Variants in CES5A observed in about 807,000 individuals in gnomAD.
CES5A encodes carboxylesterase 5.
CES5A carries 67 observed loss-of-function variants against 62.9 expected under a neutral mutation model. That is an observed-to-expected ratio of 1.07 (90% CI 0.88 to 1.31). The LOEUF is 1.31. CES5A is among the 50% of genes most tolerant of loss of function. The pLI, the probability that CES5A is intolerant of heterozygous loss-of-function variation, is 0.00. For synonymous variants in CES5A, 296 were observed against 280.8 expected (o/e 1.05, Z -0.54); for missense variants, 748 against 708.5 (o/e 1.06, Z -0.63).
intron 2 of CES5A, among the ~76,000 whole-genome samples, chr16:55,947,315 T>A (rs570991337): frequency 6.6e-6 from 1 of 152,286 alleles, no homozygotes; most frequent in African/African-American, 2.4e-5. Flanking sequence ...AAAAGGGGCT[T>A]ATGGAAGGTC....
chr16:55,949,841 G>A, exon 2 of CES5A: 1 of 1,527,270 alleles, frequency 6.5e-7, no homozygotes. Flanking sequence ...CAAAGTTGAG[G>A]AGGCTGGATA....
chr16:55,849,864 G>C (rs1942902428), intron 10 of CES5A, 91 bp from the exon 11 acceptor site: 3 of 1,406,140 alleles, frequency 2.1e-6, no homozygotes, highest in African/African-American at 1.4e-5. Flanking sequence ...TGGATGTATA[G>C]ACCCAGGGGT....
At chr16:55,859,289 G>A (rs28431003) in intron 8 of CES5A, among the ~76,000 whole-genome samples, 8,246 of 152,218 alleles carry the variant, frequency 0.054, 761 homozygotes, top group African/African-American at 0.19. Context: ...CAAATGGACC[G>A]ATCCCCTCTT....
intron 1 of CES5A, among the ~76,000 whole-genome samples, chr16:55,885,821 T>C (rs1215786182): frequency 2.6e-5 from 4 of 152,166 alleles, no homozygotes; most frequent in Non-Finnish European, 4.4e-5. Context: ...CTACCTACTA[T>C]GGGATATCAA....
At chr16:55,908,967 A>C (rs901238246) in intron 1 of CES5A, among the ~76,000 whole-genome samples, 4 of 152,202 alleles carry the variant, frequency 2.6e-5, no homozygotes, top group Non-Finnish European at 5.9e-5. Flanking sequence ...CCCCAAAAAG[A>C]ACAAAGGAAG....
chr16:55,917,706 T>C (rs1204455429), intron 1 of CES5A, among the ~76,000 whole-genome samples: 2 of 152,142 alleles, frequency 1.3e-5, no homozygotes. Context: ...CCATCACCTC[T>C]GCCAAATTCT....
Position 55,896,567 on chromosome 16 carries a change from C to A in CES5A, c.-255-22530G>T, listed in dbSNP as rs569684938. Among the ~76,000 whole-genome samples, 3 of 152,340 alleles carry A rather than the reference C, an allele frequency of 2.0e-5. No individual in the cohort carries two copies. In the East Asian group the frequency reaches 5.8e-4, roughly 29 times the overall value. ...TATTAAGTATTCTGTTACAGCAACA[C>A]TAAATGGACTAAGACATCATCAGAG... is the stretch of plus-strand genomic sequence containing the variant. On this transcript the variant is annotated intron_variant, in intron 1 of 12. Coordinates refer to the CES5A transcript ENST00000518005.
At chr16:55,925,252 G>A (rs140872877) in intron 1 of CES5A, 13 of 152,114 alleles carry the variant, frequency 8.5e-5, no homozygotes, top group African/African-American at 2.6e-4. Context: ...ACAAGTATAT[G>A]AAAAACAATG....
rs544739211 is a variant in CES5A, at chr16:55,860,150, C to G, written c.916-463G>C. Among the ~76,000 whole-genome samples the G allele has an allele frequency of 9.8e-4, 149 of 151,438 alleles. 1 individual carries two copies. Among genetic ancestry groups the G allele is most frequent in the Admixed American group, 2.9e-3 (44 of 15,222 alleles). ...TTTTATAAAGGGGAGCTCCCCTGAA[C>G]AAGCTTTTTTTTTGCCCACCACCAT... On this transcript the variant is annotated intron_variant, in intron 7 of 12. Transcript: ENST00000290567.
At chr16:55,955,919 G>A in exon 1 of CES5A, 1 of 1,535,770 alleles carries the variant, frequency 6.5e-7, no homozygotes, top group South Asian at 1.2e-5. Context: ...CAAAACCTCA[G>A]CATCCCAGCT....
At chr16:55,928,114 G>T (rs552651092), upstream of CES5A, among the ~76,000 whole-genome samples, 8 of 151,966 alleles carry the variant, frequency 5.3e-5, no homozygotes, top group Admixed American at 2.0e-4. Flanking sequence ...GTGGTGGCAG[G>T]TGCCTATAGT....
intron 2 of CES5A, among the ~76,000 whole-genome samples, chr16:55,932,377 A>C (rs1446013039): frequency 6.6e-6 from 1 of 152,224 alleles, no homozygotes; most frequent in Non-Finnish European, 1.5e-5. Flanking sequence ...AACAGAAAAC[A>C]GACTAAGACA....
chr16:55,901,419 C>A (rs1200141617), intron 1 of CES5A, among the ~76,000 whole-genome samples: 2 of 152,138 alleles, frequency 1.3e-5, no homozygotes, highest in African/African-American at 4.8e-5. Context: ...CAAGCACATA[C>A]CTTGGAGGCA....
chr16:55,888,296 C>T (rs191652302), intron 1 of CES5A, among the ~76,000 whole-genome samples: 39 of 152,260 alleles, frequency 2.6e-4, no homozygotes, highest in South Asian at 1.0e-3. Flanking sequence ...ATGCAGCTTT[C>T]CGTTTACTGT....
Position 55,869,754 on chromosome 16 carries a change from G to C in CES5A, c.418-10C>G. ...GGAACCACACCAAGACCTGAGGAGG[G>C]GAGAAGAGCATCCAGTCAGCCCACC... On this transcript the variant is annotated splice_polypyrimidine_tract_variant and intron_variant, in intron 3 of 12. Transcript: ENST00000290567. 6.3e-7 allele frequency: 1 copy of C among 1,595,098 alleles called. No homozygotes were observed. The highest frequency in any genetic ancestry group is 1.1e-5 in the South Asian group (1 of 88,742).
At chr16:55,951,091 G>A (rs995847148) in intron 1 of CES5A, among the ~76,000 whole-genome samples, 6 of 99,440 alleles carry the variant, frequency 6.0e-5, no homozygotes, top group African/African-American at 1.9e-4. Context: ...GGGAGACAGC[G>A]AGACTCCATC....
upstream of CES5A, chr16:55,875,430 G>A (rs868490768): frequency 8.1e-7 from 1 of 1,232,024 alleles, no homozygotes; most frequent in African/African-American, 1.6e-5. Flanking sequence ...ATAAGAAGCT[G>A]ATGATTAACT....
chr16:55,906,220 G>A (rs1452162235), intron 1 of CES5A, among the ~76,000 whole-genome samples: 6 of 152,214 alleles, frequency 3.9e-5, no homozygotes, highest in East Asian at 1.9e-4. Context: ...ACAAGACAAC[G>A]TCTGACTGAG....
chr16:55,875,004 A>G, intron 1 of CES5A, 145 bp downstream of exon 1: 1 of 858,538 alleles, frequency 1.2e-6, no homozygotes, highest in South Asian at 1.4e-5. Flanking sequence ...GTTCTCGGCA[A>G]CAGCAGAATA....
Sources: allele counts gnomAD v4.1 joint callset (sites outside exome capture counted in the v4.1 genomes callset), GRCh38; gene constraint gnomAD v4.1.1; transcripts MANE v1.5; gene names NCBI Gene and HGNC (gene_info 2026-07-23, HGNC 2026-07-21).